The following CSGALNACT1 variants were observed in gnomAD, a reference collection of about 807,000 sequenced individuals.
CSGALNACT1 encodes the protein beta4GalNAcT-1.
Under a neutral mutation model 51.0 loss-of-function variants are expected in CSGALNACT1, and 52 were observed. The ratio of observed to expected loss-of-function variants is 1.02; its 90% CI spans 0.82 to 1.29. The LOEUF (loss-of-function observed/expected upper bound fraction) is 1.29, where lower values mean the gene tolerates loss of function less well. CSGALNACT1 is among the 50% of genes most tolerant of loss of function. The pLI, the probability that CSGALNACT1 is intolerant of heterozygous loss-of-function variation, is 0.00. For synonymous variants in CSGALNACT1, 341 were observed against 254.4 expected, an observed-to-expected ratio of 1.34 and a Z score of -3.24; for missense variants, 935 against 679.2, an observed-to-expected ratio of 1.38 and a Z score of -4.19.
rs567614387 is a variant in CSGALNACT1, at chr8:19,554,261, T to C, written c.-297+36899A>G. ...GATTTATCATCAGCAACACTGCACA[T>C]CAAAAGTCAATGGAGCAATGTCTTC... is the stretch of plus-strand genomic sequence containing the variant. On this transcript the variant is annotated intron_variant, in intron 3 of 9. Transcript: ENST00000454498. 1.8e-4 allele frequency among the ~76,000 whole-genome samples: 28 copies of C among 152,212 alleles called. No homozygotes were observed. In the East Asian group the frequency reaches 3.3e-3, roughly 18 times the overall value.
At chr8:19,618,739 C>T (rs1369400231) in intron 1 of CSGALNACT1, among the ~76,000 whole-genome samples, 2 of 151,470 alleles carry the variant, frequency 1.3e-5, no homozygotes, top group African/African-American at 2.4e-5. Flanking sequence ...GTCCTAGAAA[C>T]CACAGTTCAG....
At position 19,439,173 on chromosome 8, in the gene CSGALNACT1, G is replaced by C. The variant is rs957839799; in HGVS notation, c.953+657C>G. On this transcript the variant is annotated intron_variant, in intron 6 of 9. Coordinates refer to ENST00000454498, the Ensembl canonical transcript of CSGALNACT1. ...ATTACTTATTCATTTATTTTTATAG[G>C]GAAAAAAATCCATCTATGCTGCTTT... Among the ~76,000 whole-genome samples, 16 of 152,182 alleles carry C rather than the reference G, an allele frequency of 1.1e-4. No homozygotes were observed. In the South Asian group the frequency reaches 1.7e-3, roughly 16 times the overall value.
chr8:19,426,891 C>T (rs1235715132), intron 6 of CSGALNACT1, among the ~76,000 whole-genome samples: 1 of 152,194 alleles, frequency 6.6e-6, no homozygotes, highest in Non-Finnish European at 1.5e-5. Context: ...ATAGTCTCTT[C>T]ATGTAACGCT....
At chr8:19,619,658 T>C (rs1165201218) in intron 1 of CSGALNACT1, among the ~76,000 whole-genome samples, 1 of 152,140 alleles carries the variant, frequency 6.6e-6, no homozygotes, top group Non-Finnish European at 1.5e-5. Context: ...CGAAGGAGTG[T>C]TTCCAAAATT....
At chr8:19,455,630 T>C (rs1034620981) in intron 5 of CSGALNACT1, among the ~76,000 whole-genome samples, 1 of 152,220 alleles carries the variant, frequency 6.6e-6, no homozygotes. Context: ...TATGAAGCAT[T>C]AAATACCCAC....
At chr8:19,420,442 C>A (rs1181992424) in exon 7 of CSGALNACT1, 21 of 1,614,070 alleles carry the variant, frequency 1.3e-5, no homozygotes, top group Non-Finnish European at 1.8e-5. Flanking sequence ...CAGAAGCGGG[C>A]TCCAACATCA....
intron 4 of CSGALNACT1, among the ~76,000 whole-genome samples, chr8:19,494,120 G>T (rs2074990958): frequency 6.6e-6 from 1 of 152,072 alleles, no homozygotes; most frequent in Non-Finnish European, 1.5e-5. Context: ...AGTAATCTTG[G>T]CCCTGCTTAA....
rs540718154 is a variant in CSGALNACT1 at position 19,414,300 on chromosome 8, T to TCCC, written c.1227+4355_1227+4356insGGG. On this transcript the variant is annotated intron_variant, in intron 8 of 9. Coordinates refer to ENST00000454498, the Ensembl canonical transcript of CSGALNACT1. ...AGAGGGTGAACAAAAAACCGGAGTC[T>TCCC]AGGGGAGGGAAGGAGGCTTAAGATA... Among the ~76,000 whole-genome samples, 43 of 152,156 alleles carry TCCC rather than the reference T, an allele frequency of 2.8e-4. No individual in the cohort carries two copies. The East Asian group carries it at 6.2e-3, about 22-fold the overall frequency.
At chr8:19,590,640 C>CTTTTTTTT (rs34859554) in intron 3 of CSGALNACT1, among the ~76,000 whole-genome samples, 3 of 68,970 alleles carry the variant, frequency 4.3e-5, no homozygotes, top group African/African-American at 1.7e-4. Flanking sequence ...GACCTAACTA[C>CTTTTTTTT]TTTTTTTTTT....
At chr8:19,679,529 C>T (rs1328116726) in intron 1 of CSGALNACT1, among the ~76,000 whole-genome samples, 1 of 152,148 alleles carries the variant, frequency 6.6e-6, no homozygotes, top group Non-Finnish European at 1.5e-5. Flanking sequence ...ACAGATCAAT[C>T]TCATTTTAAG....
chr8:19,713,858 C>T (rs370621900), intron 1 of CSGALNACT1, among the ~76,000 whole-genome samples: 14 of 152,176 alleles, frequency 9.2e-5, no homozygotes, highest in African/African-American at 3.4e-4. Context: ...TTTGCCAGGG[C>T]AGCCCCAGAT....
At chr8:19,423,817 C>T (rs986328602) in intron 6 of CSGALNACT1, among the ~76,000 whole-genome samples, 4 of 152,198 alleles carry the variant, frequency 2.6e-5, no homozygotes, top group African/African-American at 9.6e-5. Flanking sequence ...AAAGACAATG[C>T]ATGTTATATC....
At chr8:19,684,048 C>G (rs962736964), upstream of CSGALNACT1, among the ~76,000 whole-genome samples, 13 of 152,132 alleles carry the variant, frequency 8.5e-5, no homozygotes, top group Non-Finnish European at 1.8e-4. Context: ...CACCTGTAAT[C>G]CCAGCTACTT....
intron 4 of CSGALNACT1, chr8:19,495,283 G>A (rs1358583799): frequency 1.3e-5 from 2 of 152,208 alleles, no homozygotes; most frequent in African/African-American, 4.8e-5. Context: ...AGGAAATACA[G>A]GGAGGCAGTC....
rs190947331 is a variant in CSGALNACT1 at position 19,677,380 on chromosome 8, G to A, written c.-544+5093C>T. 1.3e-4 allele frequency among the ~76,000 whole-genome samples: 20 copies of A among 152,256 alleles called. No homozygotes were observed. In the South Asian group the frequency reaches 1.7e-3, roughly 13 times the overall value. On this transcript the variant is annotated intron_variant, in intron 1 of 9. Transcript: ENST00000332246. ...CCCACCTCGGCCTCCCAAAGTGCTGGGATTACAGGTGTGAGCCACCATGCC... is the reference window on the plus strand; with the variant it reads ...CCCACCTCGGCCTCCCAAAGTGCTGAGATTACAGGTGTGAGCCACCATGCC...
chr8:19,408,502 GC>G, intron 9 of CSGALNACT1, 110 bp downstream of exon 8: 1 of 319,116 alleles, frequency 3.1e-6, no homozygotes, highest in Non-Finnish European at 5.7e-6. Context: ...TTTTTTGAAG[GC>G]AATGGTACCA....
rs989563393 is a variant in CSGALNACT1 at position 19,757,650 on chromosome 8, T to A, written c.-297+200A>T. Among the ~76,000 whole-genome samples the A allele has an allele frequency of 5.3e-5, 8 of 152,100 alleles. No individual in the cohort carries two copies. The highest frequency in any genetic ancestry group is 1.9e-4 in the African/African-American group (8 of 41,426). Reference sequence around the variant, plus strand: ...AGTTGCAGGAGAGAGGTGTCCAATCTCCATGGGGTCCTTACTCTTGCAGGA... The same window carrying A: ...AGTTGCAGGAGAGAGGTGTCCAATCACCATGGGGTCCTTACTCTTGCAGGA... On this transcript the variant is annotated intron_variant, in intron 1 of 1. Coordinates refer to the CSGALNACT1 transcript ENST00000517494. The surrounding 1 kb of genome is among the most constrained non-coding windows in gnomAD (Gnocchi z 4.0).
chr8:19,618,987 C>T (rs752099227), intron 1 of CSGALNACT1, among the ~76,000 whole-genome samples: 39 of 152,182 alleles, frequency 2.6e-4, no homozygotes, highest in Non-Finnish European at 4.7e-4. Context: ...AGCATAAATG[C>T]ACACGTGCCT....
chr8:19,446,772 C>A (rs1200952354), intron 5 of CSGALNACT1, among the ~76,000 whole-genome samples: 1 of 152,142 alleles, frequency 6.6e-6, no homozygotes, highest in African/African-American at 2.4e-5. Context: ...CCTTGGCCTC[C>A]CAAAGTGCTG....
Sources: gnomAD v4.1 joint callset for allele counts (sites outside exome capture counted in the v4.1 genomes callset) on GRCh38, gnomAD v4.1.1 for gene constraint, Gnocchi (gnomAD v3.1) non-coding constraint, MANE v1.5 for transcripts, NCBI Gene and HGNC (gene_info 2026-07-23, HGNC 2026-07-21) for gene names.